ERAP1: variants seen among roughly 807,000 people sequenced by gnomAD.
The protein encoded by ERAP1 is adipocyte-derived leucine aminopeptidase.
Under a neutral mutation model 103.7 loss-of-function variants are expected in ERAP1, and 86 were observed. That is an observed-to-expected ratio of 0.83 (90% CI 0.70 to 0.99). The LOEUF (loss-of-function observed/expected upper bound fraction) is 0.99, where lower values mean the gene tolerates loss of function less well. Ranked by LOEUF, ERAP1 falls within the 50% of genes least tolerant of loss-of-function variation. The probability of loss-of-function intolerance (pLI) is 0.00; values close to 1 mark genes in which losing one functional copy is unlikely to be tolerated. For synonymous variants in ERAP1, 398 were observed against 402.4 expected, an observed-to-expected ratio of 0.99 and a Z score of 0.13; for missense variants, 1,009 against 1,128.4, an observed-to-expected ratio of 0.89 and a Z score of 1.52.
At chr5:96,841,180 T>A in the ERAP1 span, among the ~76,000 whole-genome samples, 1 of 152,210 alleles carries the variant, frequency 6.6e-6, no homozygotes, top group African/African-American at 2.4e-5. Context: ...AAAATGCAAA[T>A]ACATTATCTG....
chr5:96,850,679 G>A, the ERAP1 span, among the ~76,000 whole-genome samples: 6 of 151,860 alleles, frequency 4.0e-5, no homozygotes, highest in African/African-American at 7.3e-5. Flanking sequence ...TTAATTAGCC[G>A]GATTCACTCA....
the ERAP1 span, among the ~76,000 whole-genome samples, chr5:96,835,647 C>A: frequency 1.3e-5 from 2 of 152,118 alleles, no homozygotes; most frequent in Admixed American, 6.5e-5. Flanking sequence ...GTGTGTTTTC[C>A]TTCTGTATAA....
downstream of ERAP1, among the ~76,000 whole-genome samples, chr5:96,770,945 AG>A (rs1412313109): frequency 6.6e-6 from 1 of 152,128 alleles, no homozygotes; most frequent in Non-Finnish European, 1.5e-5. Context: ...AAATTACTCA[AG>A]CTGTGATGAG....
the ERAP1 span, among the ~76,000 whole-genome samples, chr5:96,914,428 C>A: frequency 6.6e-6 from 1 of 152,158 alleles, no homozygotes; most frequent in Non-Finnish European, 1.5e-5. Context: ...GAGTTGACGT[C>A]CACATGAGAC....
At chr5:96,856,105 G>A in the ERAP1 span, among the ~76,000 whole-genome samples, 1 of 151,448 alleles carries the variant, frequency 6.6e-6, no homozygotes, top group Admixed American at 6.6e-5. Flanking sequence ...CAGATTATGA[G>A]GTCAGGACTT....
chr5:96,767,818 C>T lies in ERAP1; in HGVS notation c.2819-4590G>A, dbSNP rs981609948. The T allele has an allele frequency of 9.2e-6, 7 of 761,186 alleles. No homozygotes were observed. In the East Asian group the frequency reaches 1.5e-4, roughly 17 times the overall value. 47.2% of individuals were successfully genotyped at this position (761,186 alleles called of 1,614,324 possible). ...GTCAGTTTTTTTCTTATAGAAACATCTTTTATTTGTAAGTGATGTGGGAAA... is the reference window on the plus strand; with the variant it reads ...GTCAGTTTTTTTCTTATAGAAACATTTTTTATTTGTAAGTGATGTGGGAAA... On this transcript the variant is annotated intron_variant, in intron 19 of 19. Transcript: ENST00000296754.
At chr5:96,903,433 G>T in the ERAP1 span, 4 of 1,613,872 alleles carry the variant, frequency 2.5e-6, no homozygotes, top group Admixed American at 5.0e-5. Context: ...GGACTCAAAT[G>T]GTTACTACAT....
chr5:96,854,022 A>T, the ERAP1 span, among the ~76,000 whole-genome samples: 1 of 152,150 alleles, frequency 6.6e-6, no homozygotes, highest in African/African-American at 2.4e-5. Context: ...AGTGAAAGAA[A>T]TCTGTGAATG....
the ERAP1 span, among the ~76,000 whole-genome samples, chr5:96,829,101 C>G: frequency 2.0e-4 from 30 of 152,350 alleles, no homozygotes; most frequent in African/African-American, 7.2e-4. Flanking sequence ...CCGCCTCGGC[C>G]TCCCAAAGTG....
At chr5:96,788,345 T>C (rs1776329713) in intron 11 of ERAP1, among the ~76,000 whole-genome samples, 186 bp downstream of exon 11, 1 of 152,162 alleles carries the variant, frequency 6.6e-6, no homozygotes, top group Admixed American at 6.5e-5. Flanking sequence ...ATAACCAAGG[T>C]TTAAAGCCTC....
the ERAP1 span, among the ~76,000 whole-genome samples, chr5:96,830,929 C>A: frequency 6.6e-6 from 1 of 152,356 alleles, no homozygotes; most frequent in East Asian, 1.9e-4. Flanking sequence ...ATACTCAAAT[C>A]CTGCAGCAGG....
chr5:96,891,295 A>G, the ERAP1 span, among the ~76,000 whole-genome samples: 1 of 151,746 alleles, frequency 6.6e-6, no homozygotes, highest in Non-Finnish European at 1.5e-5. Flanking sequence ...CCTACGTGAA[A>G]TCATTAGCAA....
chr5:96,839,213 C>T, the ERAP1 span, among the ~76,000 whole-genome samples: 1 of 152,230 alleles, frequency 6.6e-6, no homozygotes, highest in Non-Finnish European at 1.5e-5. Flanking sequence ...TGTCACTAAC[C>T]AGTAATCTGC....
At chr5:96,834,171 AAAG>A in the ERAP1 span, among the ~76,000 whole-genome samples, 1 of 152,212 alleles carries the variant, frequency 6.6e-6, no homozygotes, top group Non-Finnish European at 1.5e-5. Flanking sequence ...AGCTTTCAGT[AAAG>A]AAAAATGTTT....
At chr5:96,763,436 A>G (rs919718276) in intron 19 of ERAP1, among the ~76,000 whole-genome samples, 15 of 152,228 alleles carry the variant, frequency 9.9e-5, no homozygotes, top group African/African-American at 3.6e-4. Context: ...AAGAATCATT[A>G]ATAGCCTAGG....
chr5:96,819,367 T>G, the ERAP1 span, among the ~76,000 whole-genome samples: 1 of 152,228 alleles, frequency 6.6e-6, no homozygotes, highest in Non-Finnish European at 1.5e-5. Flanking sequence ...GTTTTCATCC[T>G]ACAGACAATC....
the ERAP1 span, among the ~76,000 whole-genome samples, chr5:96,884,555 T>TTTTTTTTG: frequency 6.6e-6 from 1 of 151,156 alleles, no homozygotes; most frequent in South Asian, 2.1e-4. Flanking sequence ...TATACAAGTT[T>TTTTTTTTG]TTTGTTTGTT....
At chr5:96,915,215 G>A in the ERAP1 span, among the ~76,000 whole-genome samples, 5 of 152,094 alleles carry the variant, frequency 3.3e-5, no homozygotes, top group South Asian at 2.1e-4. Context: ...CTCCATGCTG[G>A]TCAGGCAGGT....
chr5:96,882,129 T>C, the ERAP1 span, among the ~76,000 whole-genome samples: 1 of 152,196 alleles, frequency 6.6e-6, no homozygotes, highest in East Asian at 1.9e-4. Context: ...CTTCCCCTCA[T>C]TGCAGCCACA....
Sources: allele counts gnomAD v4.1 joint callset (sites outside exome capture counted in the v4.1 genomes callset), GRCh38; gene constraint gnomAD v4.1.1; transcripts MANE v1.5; gene names NCBI Gene and HGNC (gene_info 2026-07-23, HGNC 2026-07-21).